The following ANKRD44 variants were observed in gnomAD, a reference collection of about 807,000 sequenced individuals.
The protein encoded by ANKRD44 is serine/threonine-protein phosphatase 6 regulatory ankyrin repeat subunit B.
A neutral mutation model predicts 116.0 loss-of-function variants in ANKRD44; 35 were observed. The ratio of observed to expected loss-of-function variants is 0.30; its 90% confidence interval spans 0.23 to 0.40. The LOEUF (loss-of-function observed/expected upper bound fraction) is 0.40, where lower values mean the gene tolerates loss of function less well. Ranked by LOEUF, ANKRD44 falls within the 10% of genes least tolerant of loss-of-function variation. ANKRD44 has a pLI of 1.00. For synonymous variants in ANKRD44, 435 were observed against 461.8 expected, an observed-to-expected ratio of 0.94 and a Z score of 0.74; for missense variants, 1,014 against 1,242.6, an observed-to-expected ratio of 0.82 and a Z score of 2.77.
chr2:197,060,126 A>C (rs576736999), intron 16 of ANKRD44, among the ~76,000 whole-genome samples: 10 of 152,328 alleles, frequency 6.6e-5, no homozygotes, highest in African/African-American at 2.2e-4. Flanking sequence ...GATAATGATA[A>C]GAATAATAGA....
intron 9 of ANKRD44, among the ~76,000 whole-genome samples, chr2:197,104,958 C>T (rs2078389819): frequency 6.6e-6 from 1 of 152,136 alleles, no homozygotes; most frequent in Non-Finnish European, 1.5e-5. Flanking sequence ...TAAGTTTACC[C>T]ATTTGGGGGT....
At chr2:197,254,903 C>T (rs1163814137) in intron 1 of ANKRD44, among the ~76,000 whole-genome samples, 3 of 152,204 alleles carry the variant, frequency 2.0e-5, no homozygotes, top group Non-Finnish European at 4.4e-5. Context: ...ATCAGATTAA[C>T]TGCCTTTTCC....
Position 197,310,688 on chromosome 2 carries a change from C to A in ANKRD44, c.-84G>T. On this transcript the variant is annotated 5_prime_UTR_variant, in exon 1 of 28. Transcript: ENST00000282272. ...GGAGCCGGGGAAGCGGAAGGGATTG[C>A]CAGGAGAAGGGAAAAAATCTGGCTC... The A allele has an allele frequency of 8.0e-7, 1 of 1,254,684 alleles. No homozygotes were observed. The highest frequency in any genetic ancestry group is 1.6e-5 in the South Asian group (1 of 63,062). The allele number at this position is 1,254,684 out of a possible 1,614,324, so 77.7% of individuals were successfully genotyped here.
chr2:197,308,931 G>T (rs2084157259), intron 1 of ANKRD44, among the ~76,000 whole-genome samples: 2 of 152,158 alleles, frequency 1.3e-5, no homozygotes, highest in Non-Finnish European at 1.5e-5. Flanking sequence ...AGTCCTGCAG[G>T]CCTATAGCTG....
intron 2 of ANKRD44, among the ~76,000 whole-genome samples, chr2:197,157,473 G>A (rs1046048388): frequency 6.6e-6 from 1 of 151,908 alleles, no homozygotes; most frequent in Non-Finnish European, 1.5e-5. Context: ...TCAGGAGTTC[G>A]AGACCAGCCT....
intron 9 of ANKRD44, 84 bp from the exon 10 acceptor site, chr2:197,100,014 C>T: frequency 8.1e-7 from 1 of 1,234,682 alleles, no homozygotes; most frequent in South Asian, 1.3e-5. Context: ...CTCGTATCAA[C>T]CAAATGTTGA....
rs745518933 is a variant in ANKRD44 at position 196,987,473 on chromosome 2, C to T, written c.*2118G>A. On this transcript the variant is annotated 3_prime_UTR_variant, in exon 28 of 28. Transcript: ENST00000282272. ...CAATAAAACGGATGAGTTCTTCAAC[C>T]AACACAACATATAAGCACACCAAGT... 84 of 985,146 alleles carry T rather than the reference C, an allele frequency of 8.5e-5. No individual in the cohort carries two copies. The highest frequency in any genetic ancestry group is 9.2e-5 in the Non-Finnish European group (76 of 829,870). 61.0% of individuals were successfully genotyped at this position (985,146 alleles called of 1,614,324 possible).
chr2:197,133,943 C>CTTTTTTT (rs1553515697), intron 4 of ANKRD44: 2 of 64,996 alleles, frequency 3.1e-5, no homozygotes, highest in African/African-American at 5.7e-5. Context: ...TTTTCTTTTT[C>CTTTTTTT]TTTCTTTTTT....
intron 1 of ANKRD44, among the ~76,000 whole-genome samples, chr2:197,217,976 A>G (rs1343975188): frequency 6.6e-6 from 1 of 152,182 alleles, no homozygotes; most frequent in Non-Finnish European, 1.5e-5. Flanking sequence ...CTTCCTATTG[A>G]TGGATAGAAT....
intron 2 of ANKRD44, among the ~76,000 whole-genome samples, chr2:197,185,743 G>A (rs903014174): frequency 5.3e-5 from 8 of 152,110 alleles, no homozygotes; most frequent in Non-Finnish European, 1.0e-4. Context: ...TGATGAAATA[G>A]TTTGATTCAT....
At chr2:196,972,178 C>T (rs983550377) in intron 21 of ANKRD44, among the ~76,000 whole-genome samples, 21 of 152,022 alleles carry the variant, frequency 1.4e-4, no homozygotes, top group African/African-American at 5.1e-4. Flanking sequence ...CCCAGTGCTA[C>T]CATGGTCAGA....
At chr2:197,257,073 T>C (rs999170507) in intron 1 of ANKRD44, among the ~76,000 whole-genome samples, 8 of 152,136 alleles carry the variant, frequency 5.3e-5, no homozygotes, top group Non-Finnish European at 1.2e-4. Flanking sequence ...ACCAATCCAA[T>C]CCCCAAGAAG....
chr2:197,164,818 GT>G (rs112837983), intron 2 of ANKRD44, among the ~76,000 whole-genome samples: 215 of 149,666 alleles, frequency 1.4e-3, no homozygotes, highest in African/African-American at 4.8e-3. Flanking sequence ...GGTTTTGAGG[GT>G]TTTTTTTTTC....
At chr2:197,175,711 G>A (rs1181642323) in intron 2 of ANKRD44, among the ~76,000 whole-genome samples, 2 of 152,186 alleles carry the variant, frequency 1.3e-5, no homozygotes, top group Non-Finnish European at 2.9e-5. Context: ...GAAGTATTCA[G>A]GGTGTCAGCT....
At chr2:197,178,982 G>A (rs2080437146) in intron 2 of ANKRD44, among the ~76,000 whole-genome samples, 1 of 152,070 alleles carries the variant, frequency 6.6e-6, no homozygotes, top group Non-Finnish European at 1.5e-5. Flanking sequence ...GAGGCAGGAG[G>A]ATCACTTGAG....
At chr2:197,215,385 T>A (rs2081421882) in intron 1 of ANKRD44, among the ~76,000 whole-genome samples, 1 of 152,204 alleles carries the variant, frequency 6.6e-6, no homozygotes, top group African/African-American at 2.4e-5. Context: ...TGGCTAGGCT[T>A]CAGAAACCAA....
At chr2:197,033,760 G>A (rs1489299932) in intron 16 of ANKRD44, among the ~76,000 whole-genome samples, 1 of 150,974 alleles carries the variant, frequency 6.6e-6, no homozygotes, top group African/African-American at 2.4e-5. Flanking sequence ...GGAGTGGTTA[G>A]TACTCATCTT....
chr2:197,034,052 G>GAGAGAGAC (rs936041863), intron 16 of ANKRD44, among the ~76,000 whole-genome samples: 5 of 147,528 alleles, frequency 3.4e-5, no homozygotes, highest in African/African-American at 1.3e-4. Flanking sequence ...ATGAGGGCTA[G>GAGAGAGAC]AGAGAGAGAG....
At chr2:197,012,526 C>T (rs1298401467) in intron 18 of ANKRD44, among the ~76,000 whole-genome samples, 1 of 151,076 alleles carries the variant, frequency 6.6e-6, no homozygotes, top group African/African-American at 2.4e-5. Context: ...CCAACTATTA[C>T]TAACCTTATG....
Sources: gnomAD v4.1 joint callset for allele counts (sites outside exome capture counted in the v4.1 genomes callset) on GRCh38, gnomAD v4.1.1 for gene constraint, MANE v1.5 for transcripts, NCBI Gene and HGNC (gene_info 2026-07-23, HGNC 2026-07-21) for gene names.